PCDHGA7: variants seen among roughly 807,000 people sequenced by gnomAD.
PCDHGA7 encodes protocadherin gamma-A7.
In PCDHGA7, 44 loss-of-function variants were observed where a neutral mutation model predicts 58.3. The ratio of observed to expected loss-of-function variants is 0.75; its 90% CI spans 0.59 to 0.97. The LOEUF (loss-of-function observed/expected upper bound fraction) is 0.97, where lower values mean the gene tolerates loss of function less well. Ranked by LOEUF, PCDHGA7 falls within the 50% of genes least tolerant of loss-of-function variation. The pLI, the probability that PCDHGA7 is intolerant of heterozygous loss-of-function variation, is 0.00. For synonymous variants in PCDHGA7, 516 were observed against 504.2 expected (o/e 1.02, Z -0.31); for missense variants, 1,266 against 1,188.7 (o/e 1.06, Z -0.96).
chr5:141,434,992 C>A (rs2097735368), intron 1 of PCDHGA7, among the ~76,000 whole-genome samples: 1 of 151,902 alleles, frequency 6.6e-6, no homozygotes, highest in Non-Finnish European at 1.5e-5. Context: ...ATATCATTTT[C>A]TAGCTGAATT....
intron 1 of PCDHGA7, chr5:141,427,595 C>A: frequency 1.5e-6 from 1 of 681,870 alleles, no homozygotes; most frequent in Non-Finnish European, 2.7e-6. Flanking sequence ...CAAGCCTCAC[C>A]CTACGCATTG....
At chr5:141,438,949 A>G (rs538626951) in intron 1 of PCDHGA7, among the ~76,000 whole-genome samples, 1 of 152,170 alleles carries the variant, frequency 6.6e-6, no homozygotes, top group East Asian at 1.9e-4. Flanking sequence ...TATAGGCATG[A>G]GCCACCGCAC....
intron 1 of PCDHGA7, among the ~76,000 whole-genome samples, chr5:141,482,274 G>A (rs1219523359): frequency 6.6e-6 from 1 of 152,094 alleles, no homozygotes; most frequent in Non-Finnish European, 1.5e-5. Flanking sequence ...TTTAGCTTAG[G>A]TAAGTCTTTT....
In PCDHGA7 at chr5:141,404,391, A is replaced by T. The variant is rs773558298; in HGVS notation, c.2424+19068A>T. On this transcript the variant is annotated intron_variant, in intron 1 of 3. Transcript: ENST00000518325. ...TTCTCCGTGATTGCCTATGACCCTG[A>T]TAGCAATGAGAATTCTAGAGTTATT... 3.7e-6 allele frequency: 6 copies of T among 1,613,806 alleles called. No homozygotes were observed. Among genetic ancestry groups the T allele is most frequent in the Non-Finnish European group, 5.1e-6 (6 of 1,179,894 alleles).
chr5:141,477,262 C>A lies in PCDHGA7; in HGVS notation c.2425-17545C>A, dbSNP rs60063068. 1.2e-5 allele frequency: 19 copies of A among 1,614,020 alleles called. No homozygotes were observed. The East Asian group carries it at 4.2e-4, about 36-fold the overall frequency. On this transcript the variant is annotated intron_variant, in intron 1 of 3. Transcript: ENST00000518325. This position sits in a 1 kb window ranked among gnomAD's most constrained non-coding sequence, Gnocchi z 4.9. ...TCAGTGTGACTGACCTGGATGCTGG[C>A]GAGAACGGGCTGGTGACCTGCGAAG...
intron 1 of PCDHGA7, chr5:141,414,697 T>C (rs748722995): frequency 6.2e-7 from 1 of 1,614,036 alleles, no homozygotes; most frequent in Non-Finnish European, 8.5e-7. Flanking sequence ...TCTGTCCTCA[T>C]ACATATCCAT....
chr5:141,427,807 A>T (rs1443881781), intron 1 of PCDHGA7: 2 of 1,521,932 alleles, frequency 1.3e-6, no homozygotes, highest in East Asian at 2.3e-5. Flanking sequence ...GTGAGCGCAC[A>T]GAGCGGGGTG....
chr5:141,441,882 C>A, intron 1 of PCDHGA7: 1 of 343,664 alleles, frequency 2.9e-6, no homozygotes, highest in South Asian at 2.6e-5. Context: ...GCTACCTGGT[C>A]ACCAAGGTGG....
intron 1 of PCDHGA7, chr5:141,387,615 A>G: frequency 3.5e-6 from 2 of 564,798 alleles, no homozygotes; most frequent in South Asian, 2.4e-5. Flanking sequence ...GTAGTTTCCT[A>G]GTGCTGACTC....
intron 1 of PCDHGA7, chr5:141,423,757 G>T (rs562479446): frequency 7.3e-5 from 29 of 395,130 alleles, no homozygotes; most frequent in Non-Finnish European, 9.5e-5. Flanking sequence ...GTTTGGGGGG[G>T]GGGTGGGGCG....
At chr5:141,445,538 G>A (rs1188324168) in intron 1 of PCDHGA7, among the ~76,000 whole-genome samples, 1 of 152,168 alleles carries the variant, frequency 6.6e-6, no homozygotes, top group African/African-American at 2.4e-5. Flanking sequence ...AGCCAACAAG[G>A]AGAAATACAA....
chr5:141,421,043 C>G (rs1201118615), intron 1 of PCDHGA7: 2 of 548,238 alleles, frequency 3.6e-6, no homozygotes, highest in Non-Finnish European at 6.3e-6. Flanking sequence ...CCTCCCTCCC[C>G]CGCCTCTACC....
At chr5:141,423,148 C>G (rs2096714622) in intron 1 of PCDHGA7, 1 of 1,613,404 alleles carries the variant, frequency 6.2e-7, no homozygotes, top group African/African-American at 1.3e-5. Flanking sequence ...CGCGCTCAAG[C>G]AGAGCCTCGT....
chr5:141,419,084 GC>G (rs1218012099), intron 1 of PCDHGA7: 1 of 1,613,802 alleles, frequency 6.2e-7, no homozygotes, highest in African/African-American at 1.3e-5. Flanking sequence ...AACAGATGAG[GC>G]CCTGGATCGG....
chr5:141,495,041 G>A, intron 2 of PCDHGA7, 176 bp downstream of exon 2: 1 of 942,350 alleles, frequency 1.1e-6, no homozygotes, highest in Non-Finnish European at 1.3e-6. Flanking sequence ...AGGAAGAGGC[G>A]ACTGCCCTGA....
intron 1 of PCDHGA7, among the ~76,000 whole-genome samples, chr5:141,469,170 G>A (rs2099192781): frequency 6.6e-6 from 1 of 152,042 alleles, no homozygotes; most frequent in South Asian, 2.1e-4. Context: ...CAGCTACTTG[G>A]GAGGCTGAGG....
rs771884610 is a variant in PCDHGA7, at chr5:141,491,436, G to T, written c.2425-3371G>T. 1 of 1,614,070 alleles carries T rather than the reference G, an allele frequency of 6.2e-7. No individual in the cohort carries two copies. ...ACGGGGGTGGAGGGCAGTGCTGCAGGCGCCAGGACTCACCCTCCCCGGACT... is the reference window on the plus strand; with the variant it reads ...ACGGGGGTGGAGGGCAGTGCTGCAGTCGCCAGGACTCACCCTCCCCGGACT... On this transcript the variant is annotated intron_variant, in intron 1 of 3. Coordinates refer to ENST00000518325, the MANE Select transcript of PCDHGA7 (RefSeq NM_018920.4). The surrounding 1 kb of genome is among the most constrained non-coding windows in gnomAD (Gnocchi z 6.9).
chr5:141,405,522 C>T (rs542329840), intron 1 of PCDHGA7: 28 of 682,252 alleles, frequency 4.1e-5, no homozygotes, highest in Admixed American at 8.3e-5. Flanking sequence ...CAAATTCAAG[C>T]GATTCTCCTG....
intron 1 of PCDHGA7, chr5:141,440,531 C>G (rs931337116): frequency 6.6e-6 from 1 of 152,272 alleles, no homozygotes; most frequent in Middle Eastern, 3.4e-3. Flanking sequence ...GAATCATGCA[C>G]CACGGTTCAG....
Sources: allele counts gnomAD v4.1 joint callset (sites outside exome capture counted in the v4.1 genomes callset), GRCh38; gene constraint gnomAD v4.1.1; non-coding constraint Gnocchi (gnomAD v3.1); transcripts MANE v1.5; gene names NCBI Gene and HGNC (gene_info 2026-07-23, HGNC 2026-07-21).